The following RAPGEF2 variants were observed in gnomAD, a reference collection of about 807,000 sequenced individuals.
The protein encoded by RAPGEF2 is PDZ domain containing guanine nucleotide exchange factor (GEF) 1.
RAPGEF2 carries 54 observed loss-of-function variants against 186.7 expected under a neutral mutation model. That is an observed-to-expected ratio of 0.29 (90% CI 0.23 to 0.36). The LOEUF (loss-of-function observed/expected upper bound fraction) is 0.36. RAPGEF2 is among the 10% of genes least tolerant of loss of function. The probability of loss-of-function intolerance (pLI) is 1.00; values close to 1 mark genes in which losing one functional copy is unlikely to be tolerated. For synonymous variants in RAPGEF2, 712 were observed against 705.9 expected (o/e 1.01, Z -0.14); for missense variants, 1,532 against 2,045.0 (o/e 0.75, Z 4.84).
chr4:159,350,369 C>A, intron 26 of RAPGEF2, 80 bp downstream of exon 26: 2 of 1,186,988 alleles, frequency 1.7e-6, no homozygotes, highest in Non-Finnish European at 2.3e-6. Flanking sequence ...TAATGTATTA[C>A]ATAATTCCTA....
chr4:159,259,176 C>G (rs1056384557), intron 7 of RAPGEF2, among the ~76,000 whole-genome samples: 4 of 152,190 alleles, frequency 2.6e-5, no homozygotes, highest in African/African-American at 9.7e-5. Context: ...CATTCCCAAT[C>G]TATGAAATTA....
rs184384245 is a variant in RAPGEF2, at chr4:159,182,908, A to G, written c.70-3734A>G. ...ACTGAAAAGACAAAAACAATGTTAAAAGAAATCACAGAAGACCTAAATAAA... is the reference window on the plus strand; with the variant it reads ...ACTGAAAAGACAAAAACAATGTTAAGAGAAATCACAGAAGACCTAAATAAA... On this transcript the variant is annotated intron_variant, in intron 1 of 29. Transcript: ENST00000691494. Among the ~76,000 whole-genome samples the G allele has an allele frequency of 1.1e-3, 170 of 152,332 alleles. 1 individual carries two copies. Among genetic ancestry groups the G allele is most frequent in the Non-Finnish European group, 1.2e-4 (8 of 68,022 alleles).
chr4:159,253,995 C>T (rs1561154088), intron 7 of RAPGEF2, among the ~76,000 whole-genome samples: 2 of 152,190 alleles, frequency 1.3e-5, no homozygotes, highest in Non-Finnish European at 2.9e-5. Flanking sequence ...TCACTTACGA[C>T]TGGAATAATT....
chr4:159,331,563 A>C lies in RAPGEF2; in HGVS notation c.1575+25A>C, dbSNP rs745701652. On this transcript the variant is annotated intron_variant, in intron 14 of 29. Coordinates refer to ENST00000691494, the MANE Select transcript of RAPGEF2 (RefSeq NM_001394067.2). ...GGTAATATTTGTGGTTTTTTTTAAG[A>C]TCAGCTTAAAGTTCATTTTATTCAG... 6.2e-6 allele frequency: 10 copies of C among 1,610,084 alleles called. No homozygotes were observed. The South Asian group carries it at 7.7e-5, about 12-fold the overall frequency.
chr4:159,116,832 C>T (rs1307616169), intron 1 of RAPGEF2, among the ~76,000 whole-genome samples: 1 of 152,124 alleles, frequency 6.6e-6, no homozygotes, highest in Non-Finnish European at 1.5e-5. Flanking sequence ...TTCTCACTTA[C>T]AAGTGGGAAG....
intron 7 of RAPGEF2, chr4:159,267,613 A>G: frequency 1.8e-6 from 1 of 552,938 alleles, no homozygotes; most frequent in South Asian, 3.5e-5. Flanking sequence ...TCTTTCTTTC[A>G]TTTTCTTTTT....
chr4:159,341,830 C>T lies in RAPGEF2; in HGVS notation c.2801C>T (p.Ser934Phe). 6.2e-7 allele frequency: 1 copy of T among 1,613,330 alleles called. No homozygotes were observed. The highest frequency in any genetic ancestry group is 8.5e-7 in the Non-Finnish European group (1 of 1,179,796). The change falls in exon 20 of 30, where the codon TCT (serine) becomes TTT (phenylalanine). Residue 934 changes from serine to phenylalanine, a missense_variant. Transcript: ENST00000691494. ...VINQETFWVASEILRETNQLK... is the reference protein window; with the variant it reads ...VINQETFWVAFEILRETNQLK... ...AACCAGGAAACATTTTGGGTAGCATCTGAAATTCTCAGAGAAACAAACCAG... is the reference window on the plus strand; with the variant it reads ...AACCAGGAAACATTTTGGGTAGCATTTGAAATTCTCAGAGAAACAAACCAG...
rs577123877 is a variant in RAPGEF2, at chr4:159,291,091, A to G, written c.544-13251A>G. ...TTTTGTTAGCAACTTAAGAAGGGTAACATAATTATTTTTTGTCTTAAAGAT... is the reference window on the plus strand; with the variant it reads ...TTTTGTTAGCAACTTAAGAAGGGTAGCATAATTATTTTTTGTCTTAAAGAT... On this transcript the variant is annotated intron_variant, in intron 7 of 29. Transcript: ENST00000691494. 2.0e-5 allele frequency among the ~76,000 whole-genome samples: 3 copies of G among 152,350 alleles called. No homozygotes were observed. In the South Asian group the frequency reaches 6.2e-4, roughly 32 times the overall value.
At chr4:159,330,068 G>T (rs1325396567) in intron 12 of RAPGEF2, 58 bp downstream of exon 12, 1 of 1,538,062 alleles carries the variant, frequency 6.5e-7, no homozygotes, top group Non-Finnish European at 8.7e-7. Context: ...AGTATTGGTT[G>T]TGGCAGTTTA....
rs573377654 is a variant in RAPGEF2 at position 159,184,787 on chromosome 4, T to C, written c.70-1855T>C. ...CAATTCTGGCTTTTGTTGCCATTGC[T>C]TTTGGTGTTTTAGTCATGAAGTCCT... On this transcript the variant is annotated intron_variant, in intron 1 of 29. Coordinates refer to ENST00000691494, the MANE Select transcript of RAPGEF2 (RefSeq NM_001394067.2). Among the ~76,000 whole-genome samples the C allele has an allele frequency of 5.9e-5, 9 of 152,326 alleles. No individual in the cohort carries two copies. The East Asian group carries it at 1.2e-3, about 20-fold the overall frequency.
At chr4:159,260,652 C>T (rs1041294577) in intron 7 of RAPGEF2, among the ~76,000 whole-genome samples, 18 of 152,192 alleles carry the variant, frequency 1.2e-4, no homozygotes, top group East Asian at 9.7e-4. Flanking sequence ...TGACACTCAT[C>T]CTTTACAGAA....
intron 1 of RAPGEF2, among the ~76,000 whole-genome samples, chr4:159,137,328 A>G (rs926156655): frequency 6.6e-5 from 10 of 152,146 alleles, no homozygotes; most frequent in Non-Finnish European, 1.5e-5. Flanking sequence ...CTGTGTCCTC[A>G]CACAGCCTTT....
chr4:159,257,622 G>A (rs904794237), intron 7 of RAPGEF2, among the ~76,000 whole-genome samples: 8 of 152,156 alleles, frequency 5.3e-5, no homozygotes, highest in African/African-American at 1.9e-4. Flanking sequence ...GTGTAAGAAA[G>A]GAGCAATTTC....
intron 1 of RAPGEF2, among the ~76,000 whole-genome samples, chr4:159,112,027 T>A (rs967123113): frequency 4.6e-5 from 7 of 152,240 alleles, no homozygotes; most frequent in African/African-American, 1.7e-4. Flanking sequence ...TCTGTTCCAT[T>A]TCTATAACTT....
intron 11 of RAPGEF2, 64 bp downstream of exon 11, chr4:159,323,681 T>A: frequency 9.8e-7 from 1 of 1,023,260 alleles, no homozygotes; most frequent in Non-Finnish European, 1.3e-6. Context: ...TATGCCATTG[T>A]GATGAGATTT....
At chr4:159,242,266 G>T (rs1754107404) in intron 6 of RAPGEF2, among the ~76,000 whole-genome samples, 1 of 151,082 alleles carries the variant, frequency 6.6e-6, no homozygotes, top group Admixed American at 6.6e-5. Context: ...GTTATTTTAT[G>T]TATAATTAAT....
At chr4:159,207,269 C>T (rs1263220985) in intron 3 of RAPGEF2, among the ~76,000 whole-genome samples, 2 of 152,190 alleles carry the variant, frequency 1.3e-5, no homozygotes, top group Non-Finnish European at 2.9e-5. Context: ...AGAGTCAACC[C>T]TAAATATAGG....
intron 20 of RAPGEF2, 89 bp from the exon 21 acceptor site, chr4:159,342,890 G>A: frequency 4.4e-6 from 5 of 1,138,600 alleles, no homozygotes; most frequent in Non-Finnish European, 6.3e-6. Context: ...TGCATATAAA[G>A]CATAAACATA....
intron 1 of RAPGEF2, among the ~76,000 whole-genome samples, chr4:159,163,544 G>A (rs1284043007): frequency 6.6e-6 from 1 of 152,104 alleles, no homozygotes; most frequent in East Asian, 1.9e-4. Flanking sequence ...ACAAAATTTA[G>A]GCTTATGTGC....
Sources: gnomAD v4.1 joint callset for allele counts (sites outside exome capture counted in the v4.1 genomes callset) on GRCh38, gnomAD v4.1.1 for gene constraint, MANE v1.5 for transcripts, NCBI Gene and HGNC (gene_info 2026-07-23, HGNC 2026-07-21) for gene names.